The following PCDHA8 variants were observed in gnomAD, a reference collection of about 807,000 sequenced individuals.
PCDHA8 encodes the protein protocadherin alpha-8.
Under a neutral mutation model 61.8 loss-of-function variants are expected in PCDHA8, and 53 were observed. That is an observed-to-expected ratio of 0.86 (90% confidence interval 0.69 to 1.08). PCDHA8 has a LOEUF of 1.08. PCDHA8 is among the 50% of genes least tolerant of loss of function. PCDHA8 has a pLI of 0.00. For missense variants in PCDHA8, 1,293 were observed against 1,245.0 expected (o/e 1.04, Z -0.58); for synonymous variants, 618 against 556.6 (o/e 1.11, Z -1.55).
chr5:140,961,435 C>T (rs1554225413), intron 1 of PCDHA8, among the ~76,000 whole-genome samples: 1 of 152,174 alleles, frequency 6.6e-6, no homozygotes, highest in Non-Finnish European at 1.5e-5. Flanking sequence ...TACAAAATCA[C>T]CTAACTACAC....
intron 1 of PCDHA8, chr5:140,868,337 C>T (rs1380091281): frequency 1.3e-5 from 2 of 151,836 alleles, no homozygotes; most frequent in African/African-American, 2.4e-5. Context: ...TATAAAGTCA[C>T]TTATAATCAG....
chr5:140,884,506 G>T (rs10076265), intron 1 of PCDHA8: 2 of 1,614,054 alleles, frequency 1.2e-6, no homozygotes, highest in Admixed American at 3.3e-5. Flanking sequence ...GCGCGGCAGG[G>T]AGTTGGTCGT....
At chr5:140,966,777 C>T (rs1554228636) in intron 1 of PCDHA8, 2 of 1,510,822 alleles carry the variant, frequency 1.3e-6, no homozygotes, top group Non-Finnish European at 1.8e-6. Context: ...ATGGAGCAGG[C>T]GGGCACCAGA....
At chr5:141,001,811 C>T (rs1200900455) in intron 3 of PCDHA8, among the ~76,000 whole-genome samples, 1 of 152,128 alleles carries the variant, frequency 6.6e-6, no homozygotes, top group Non-Finnish European at 1.5e-5. Flanking sequence ...ATTCTACAAT[C>T]GGCCAAATTC....
chr5:140,960,575 A>G (rs990834964), intron 1 of PCDHA8, among the ~76,000 whole-genome samples: 4 of 152,186 alleles, frequency 2.6e-5, no homozygotes, highest in Non-Finnish European at 2.9e-5. Flanking sequence ...AAACAGTTGG[A>G]AAACAGTTCA....
At chr5:140,955,847 T>C (rs2095231839) in intron 1 of PCDHA8, among the ~76,000 whole-genome samples, 2 of 152,216 alleles carry the variant, frequency 1.3e-5, no homozygotes, top group Non-Finnish European at 2.9e-5. Context: ...TCATTCTCCT[T>C]GAAGAGGTCC....
chr5:140,842,778 A>G lies in PCDHA8; in HGVS notation c.1457A>G (p.Glu486Gly), dbSNP rs2150344056. 1.9e-5 allele frequency: 31 copies of G among 1,594,532 alleles called. No homozygotes were observed. The East Asian group carries it at 6.7e-4, about 34-fold the overall frequency. ...TCTGCGCGAGACGCGGACGCGCAGG[A>G]GAACGCGCTGGTGTCCTACTCGCTT... is the stretch of plus-strand genomic sequence containing the variant. ...TVSARDADAQENALVSYSLVE... is the reference protein window; with the variant it reads ...TVSARDADAQGNALVSYSLVE... The change falls in exon 1 of 4, where the codon GAG (glutamate) becomes GGG (glycine). Residue 486 changes from glutamate to glycine, a missense_variant. Glu to Gly is a moderately conservative substitution (Grantham distance 98). Coordinates refer to ENST00000531613, the MANE Select transcript of PCDHA8 (RefSeq NM_018911.3).
At chr5:141,002,232 A>G (rs2098067070) in intron 3 of PCDHA8, among the ~76,000 whole-genome samples, 2 of 152,226 alleles carry the variant, frequency 1.3e-5, no homozygotes, top group African/African-American at 4.8e-5. Flanking sequence ...GTTTTCTGGA[A>G]GCTCTTTATT....
At chr5:140,862,674 C>G (rs782474067) in intron 1 of PCDHA8, 12 of 549,972 alleles carry the variant, frequency 2.2e-5, no homozygotes, top group African/African-American at 3.8e-5. Flanking sequence ...CGCAGGAGAA[C>G]GTGCTGGTGT....
At chr5:141,002,757 A>G (rs1234528731) in intron 3 of PCDHA8, among the ~76,000 whole-genome samples, 1 of 152,224 alleles carries the variant, frequency 6.6e-6, no homozygotes, top group African/African-American at 2.4e-5. Context: ...CAACCCTGTG[A>G]TGTAGACAGG....
At chr5:140,898,015 T>C (rs376663063) in intron 1 of PCDHA8, among the ~76,000 whole-genome samples, 3 of 152,154 alleles carry the variant, frequency 2.0e-5, no homozygotes, top group Non-Finnish European at 4.4e-5. Context: ...TCATATCCTT[T>C]GCCCACTTTT....
chr5:140,871,344 G>A (rs533115257), intron 1 of PCDHA8: 1 of 1,614,200 alleles, frequency 6.2e-7, no homozygotes, highest in African/African-American at 1.3e-5. Flanking sequence ...TGGGGAGCTG[G>A]TCATACTCGC....
At chr5:140,911,589 C>A (rs1583792136) in intron 1 of PCDHA8, among the ~76,000 whole-genome samples, 1 of 152,302 alleles carries the variant, frequency 6.6e-6, no homozygotes, top group Middle Eastern at 3.4e-3. Flanking sequence ...TTAGGAGGAA[C>A]CAACCAACTT....
intron 1 of PCDHA8, among the ~76,000 whole-genome samples, chr5:140,895,670 G>C (rs551602030): frequency 3.9e-5 from 6 of 152,250 alleles, no homozygotes; most frequent in Non-Finnish European, 8.8e-5. Context: ...AGAACATGTA[G>C]TATTTGGTTT....
chr5:140,856,253 A>T lies in PCDHA8; in HGVS notation c.2394+12538A>T, dbSNP rs545226629. On this transcript the variant is annotated intron_variant, in intron 1 of 3. Coordinates refer to ENST00000531613, the MANE Select transcript of PCDHA8 (RefSeq NM_018911.3). ...GCGCCTGTTCCGGGTGGCGTCCAAA[A>T]GACACGGGGACCTTCTGGAGGTAAA... The T allele has an allele frequency of 1.3e-6, 2 of 1,598,032 alleles. 1 individual carries two copies. The highest frequency in any genetic ancestry group is 2.7e-5 in the African/African-American group (2 of 74,378).
intron 1 of PCDHA8, among the ~76,000 whole-genome samples, chr5:140,889,879 T>G (rs2062416989): frequency 6.6e-6 from 1 of 152,162 alleles, no homozygotes; most frequent in South Asian, 2.1e-4. Flanking sequence ...CCTGCCACCA[T>G]GTAAGAATTC....
intron 1 of PCDHA8, chr5:140,870,954 G>T (rs1202889647): frequency 1.9e-6 from 3 of 1,613,514 alleles, no homozygotes; most frequent in African/African-American, 1.3e-5. Context: ...CGGGCGGCTC[G>T]CGCATCCCGT....
chr5:140,875,873 G>C (rs1554168013), intron 1 of PCDHA8: 2 of 1,614,214 alleles, frequency 1.2e-6, no homozygotes, highest in South Asian at 1.1e-5. Context: ...CCGGTGTTCA[G>C]AGAAAGGGAA....
At chr5:140,905,611 T>C (rs1396340503) in intron 1 of PCDHA8, among the ~76,000 whole-genome samples, 1 of 152,224 alleles carries the variant, frequency 6.6e-6, no homozygotes, top group South Asian at 2.1e-4. Flanking sequence ...ATTGAATCTA[T>C]AGATTGCTTT....
Sources: gnomAD v4.1 joint callset for allele counts (sites outside exome capture counted in the v4.1 genomes callset) on GRCh38, gnomAD v4.1.1 for gene constraint, MANE v1.5 for transcripts, NCBI Gene and HGNC (gene_info 2026-07-23, HGNC 2026-07-21) for gene names.